TDRD5: variants seen among roughly 807,000 people sequenced by gnomAD.
TDRD5 encodes the protein tudor domain-containing protein 5.
In TDRD5, 41 loss-of-function variants were observed where a neutral mutation model predicts 120.6. The ratio of observed to expected loss-of-function variants is 0.34; its 90% CI spans 0.26 to 0.44. The LOEUF is 0.44. Among genes scored for constraint, TDRD5 ranks in the 20% least tolerant of loss-of-function variants. TDRD5 has a pLI of 1.00. For synonymous variants in TDRD5, 430 were observed against 433.7 expected (o/e 0.99, Z 0.11); for missense variants, 1,006 against 1,221.2 (o/e 0.82, Z 2.63).
chr1:179,652,104 C>G lies in TDRD5; in HGVS notation c.2067C>G (p.Val689=). ...CCAGTGGAGGGCCAGAGGACATTGT[C>G]TTGACAGAACTGGGTTATCCTTCCC... ...TTSSGGPEDI[V]LTELGYPSQQ... Residue 689 remains valine, a synonymous_variant, in exon 13 of 18, where the codon GTC becomes GTG. Coordinates refer to ENST00000444136, the MANE Select transcript of TDRD5 (RefSeq NM_001199085.3). 1 of 1,614,020 alleles carries G rather than the reference C, an allele frequency of 6.2e-7. No homozygotes were observed. Among genetic ancestry groups the G allele is most frequent in the African/African-American group, 1.3e-5 (1 of 75,002 alleles).
intron 4 of TDRD5, among the ~76,000 whole-genome samples, chr1:179,605,296 G>A (rs1675913084): frequency 6.6e-6 from 1 of 152,160 alleles, no homozygotes; most frequent in Non-Finnish European, 1.5e-5. Context: ...GAAGGCAGCA[G>A]ATAGTTGGTT....
chr1:179,610,044 G>A (rs546490245), intron 4 of TDRD5, among the ~76,000 whole-genome samples: 74 of 152,196 alleles, frequency 4.9e-4, no homozygotes, highest in African/African-American at 1.8e-3. Context: ...GGGTGTAGGA[G>A]GGGTGGGTTC....
At chr1:179,600,226 A>AT (rs1420201907) in intron 4 of TDRD5, among the ~76,000 whole-genome samples, 1 of 152,132 alleles carries the variant, frequency 6.6e-6, no homozygotes, top group Non-Finnish European at 1.5e-5. Flanking sequence ...AGGCCTACAC[A>AT]TTCACCACCC....
intron 17 of TDRD5, among the ~76,000 whole-genome samples, chr1:179,689,985 C>T (rs1419786202): frequency 9.2e-5 from 14 of 152,150 alleles, no homozygotes; most frequent in East Asian, 5.8e-4. Context: ...GGGAATTCCC[C>T]GACCCCTTGC....
At chr1:179,625,371 G>A (rs1340872910) in intron 6 of TDRD5, among the ~76,000 whole-genome samples, 1 of 152,050 alleles carries the variant, frequency 6.6e-6, no homozygotes, top group African/African-American at 2.4e-5. Context: ...ATTTAAAATT[G>A]AATAGGCAGA....
At chr1:179,675,574 C>T (rs13376656) in intron 17 of TDRD5, among the ~76,000 whole-genome samples, 71 of 152,152 alleles carry the variant, frequency 4.7e-4, no homozygotes, top group Middle Eastern at 3.4e-3. Context: ...CCACCGCGCC[C>T]GGCCCTCAAA....
intron 17 of TDRD5, among the ~76,000 whole-genome samples, chr1:179,674,295 G>A (rs1680005159): frequency 6.6e-6 from 1 of 152,158 alleles, no homozygotes; most frequent in Admixed American, 6.5e-5. Context: ...TGCATCTATT[G>A]AGGTGATCAA....
intron 17 of TDRD5, among the ~76,000 whole-genome samples, chr1:179,671,307 C>CTATTATA (rs2147783185): frequency 6.6e-6 from 1 of 152,168 alleles, no homozygotes; most frequent in East Asian, 1.9e-4. Flanking sequence ...AGTTGTTTTG[C>CTATTATA]TATTATAGGT....
At chr1:179,672,748 G>C (rs1679922741) in intron 17 of TDRD5, among the ~76,000 whole-genome samples, 1 of 152,090 alleles carries the variant, frequency 6.6e-6, no homozygotes, top group Admixed American at 6.6e-5. Context: ...TTAAGTCTTT[G>C]ATCCATCTTG....
intron 9 of TDRD5, among the ~76,000 whole-genome samples, chr1:179,637,818 T>C (rs1677848257): frequency 6.6e-6 from 1 of 152,148 alleles, no homozygotes; most frequent in African/African-American, 2.4e-5. Flanking sequence ...CCTTTGCGAA[T>C]ACTGTGATTA....
At position 179,640,015 on chromosome 1, in the gene TDRD5, T is replaced by C. The variant is rs781249892; in HGVS notation, c.1697T>C (p.Ile566Thr). Residue 566 changes from isoleucine (I) to threonine (T), a missense_variant, in exon 10 of 18, where the codon ATT becomes ACT. Ile to Thr is a moderately conservative substitution (Grantham distance 89, BLOSUM62 -1). This residue lies in a region of TDRD5 where 158 missense variants were observed against 257.5 expected (regional missense o/e 0.61). Coordinates refer to ENST00000444136, the MANE Select transcript of TDRD5 (RefSeq NM_001199085.3). The part of the protein sequence containing the change: ...VEVFYPDFGN[I>T]GIVQKSSLRF... Reference sequence around the variant, plus strand: ...GTGTTCTACCCAGACTTTGGAAATATTGGAATTGTTCAGAAGTCCTCCCTG... The same window carrying C: ...GTGTTCTACCCAGACTTTGGAAATACTGGAATTGTTCAGAAGTCCTCCCTG... The C allele has an allele frequency of 3.7e-6, 6 of 1,614,046 alleles. No homozygotes were observed. The highest frequency in any genetic ancestry group is 2.7e-5 in the African/African-American group (2 of 74,944).
chr1:179,654,913 A>G (rs552930389), intron 14 of TDRD5, among the ~76,000 whole-genome samples: 1 of 152,360 alleles, frequency 6.6e-6, no homozygotes, highest in East Asian at 1.9e-4. Flanking sequence ...TTCAAGAATT[A>G]TACAGTAGCT....
At chr1:179,609,270 G>T (rs965395346) in intron 4 of TDRD5, among the ~76,000 whole-genome samples, 2 of 152,172 alleles carry the variant, frequency 1.3e-5, no homozygotes, top group African/African-American at 4.8e-5. Context: ...ATATCTTGGA[G>T]ATGGGATCCC....
At chr1:179,622,735 A>G (rs1676906911) in intron 6 of TDRD5, among the ~76,000 whole-genome samples, 1 of 152,166 alleles carries the variant, frequency 6.6e-6, no homozygotes, top group Non-Finnish European at 1.5e-5. Flanking sequence ...GAGAAACAAA[A>G]TAGAACTTGA....
rs188003649 is a variant in TDRD5 at position 179,683,439 on chromosome 1, T to C, written c.2861-7257T>C. ...ACCTAAGACTTCCTGTAAAATCACA[T>C]TATTTAATTAAAAATTATTCTTTTT... On this transcript the variant is annotated intron_variant, in intron 17 of 17. Coordinates refer to ENST00000444136, the MANE Select transcript of TDRD5 (RefSeq NM_001199085.3). Among the ~76,000 whole-genome samples the C allele has an allele frequency of 2.6e-5, 4 of 152,334 alleles. No individual in the cohort carries two copies. The East Asian group carries it at 7.7e-4, about 29-fold the overall frequency.
At chr1:179,595,860 T>A in intron 4 of TDRD5, 42 bp downstream of exon 4, 1 of 1,542,852 alleles carries the variant, frequency 6.5e-7, no homozygotes, top group Non-Finnish European at 8.7e-7. Flanking sequence ...ACGATGTTTT[T>A]AAATTCAGTG....
At chr1:179,637,383 TACCTAC>T (rs1677817919) in intron 9 of TDRD5, among the ~76,000 whole-genome samples, 1 of 152,202 alleles carries the variant, frequency 6.6e-6, no homozygotes, top group Non-Finnish European at 1.5e-5. Flanking sequence ...ATAATGATAG[TACCTAC>T]TTCACAGAGT....
intron 6 of TDRD5, among the ~76,000 whole-genome samples, chr1:179,625,012 G>A (rs1677042359): frequency 6.6e-6 from 1 of 151,950 alleles, no homozygotes; most frequent in South Asian, 2.1e-4. Flanking sequence ...GGTGGCTCAT[G>A]CCTGTAACCT....
At chr1:179,636,341 A>C (rs1677763961) in intron 9 of TDRD5, among the ~76,000 whole-genome samples, 1 of 152,186 alleles carries the variant, frequency 6.6e-6, no homozygotes, top group Non-Finnish European at 1.5e-5. Flanking sequence ...AAAACTTGAG[A>C]AATGGTAGTT....
Sources: gnomAD v4.1 joint callset for allele counts (sites outside exome capture counted in the v4.1 genomes callset) on GRCh38, gnomAD v4.1.1 for gene constraint, gnomAD v4.1.1 regional missense constraint, MANE v1.5 for transcripts, NCBI Gene and HGNC (gene_info 2026-07-23, HGNC 2026-07-21) for gene names.